Variants in GLI3 observed in about 807,000 individuals in gnomAD.
GLI3 encodes the protein GLI family zinc finger 3, also known as transcription activator GLI3.
In GLI3, 20 loss-of-function variants were observed where a neutral mutation model predicts 100.8. That is an observed-to-expected ratio of 0.20 (90% CI 0.14 to 0.29). The LOEUF is 0.29. GLI3 is among the 10% of genes least tolerant of loss of function. The pLI is 1.00. For synonymous variants in GLI3, 938 were observed against 860.5 expected, an observed-to-expected ratio of 1.09 and a Z score of -1.58; for missense variants, 2,040 against 2,128.5, an observed-to-expected ratio of 0.96 and a Z score of 0.82.
chr7:41,992,724 G>A (rs1349592965), intron 10 of GLI3, among the ~76,000 whole-genome samples: 1 of 152,162 alleles, frequency 6.6e-6, no homozygotes, highest in Non-Finnish European at 1.5e-5. Context: ...GCAGGGGACA[G>A]AGCATGTCAT....
chr7:42,102,628 G>A (rs1296820847), intron 3 of GLI3, among the ~76,000 whole-genome samples: 1 of 152,200 alleles, frequency 6.6e-6, no homozygotes, highest in Admixed American at 6.5e-5. Context: ...GGGCTTCAGT[G>A]CCTCACCAGG....
chr7:42,117,036 A>G (rs2128769269), intron 3 of GLI3, among the ~76,000 whole-genome samples: 1 of 152,364 alleles, frequency 6.6e-6, no homozygotes, highest in Admixed American at 6.5e-5. Flanking sequence ...ATGCTGGTGC[A>G]CACTTTAAAT....
In GLI3 at chr7:42,071,224, C is replaced by T. The variant is rs191234625; in HGVS notation, c.473+5528G>A. Among the ~76,000 whole-genome samples, 322 of 151,292 alleles carry T rather than the reference C, an allele frequency of 2.1e-3. 1 individual carries two copies. The highest frequency in any genetic ancestry group is 0.01 in the Middle Eastern group (3 of 294). On this transcript the variant is annotated intron_variant, in intron 4 of 14. Coordinates refer to ENST00000395925, the MANE Select transcript of GLI3 (RefSeq NM_000168.6). ...GTTTTCTTTTTCTTTTTTGGGGGGGCGGTGGGGAGTGTTTTAGGGTTTGCT... is the reference window on the plus strand; with the variant it reads ...GTTTTCTTTTTCTTTTTTGGGGGGGTGGTGGGGAGTGTTTTAGGGTTTGCT...
chr7:42,158,792 G>A (rs1787064599), intron 2 of GLI3, among the ~76,000 whole-genome samples: 1 of 152,166 alleles, frequency 6.6e-6, no homozygotes, highest in African/African-American at 2.4e-5. Flanking sequence ...ACCGCGCCCA[G>A]CTGAAGACTA....
In GLI3 at chr7:42,125,371, G is replaced by A. The variant is rs577247202; in HGVS notation, c.367+22855C>T. Among the ~76,000 whole-genome samples the A allele has an allele frequency of 3.6e-4, 55 of 152,274 alleles. 1 individual carries two copies. Among genetic ancestry groups the A allele is most frequent in the African/African-American group, 1.0e-3 (42 of 41,558 alleles). ...AGGCTGAACAACAGCAGCAGACCAC[G>A]GAGGAAGGCAGTCATCTGCTCCCCC... is the stretch of plus-strand genomic sequence containing the variant. On this transcript the variant is annotated intron_variant, in intron 3 of 14. Transcript: ENST00000395925.
At chr7:42,060,622 C>T (rs1211491038) in intron 4 of GLI3, among the ~76,000 whole-genome samples, 1 of 152,138 alleles carries the variant, frequency 6.6e-6, no homozygotes, top group Non-Finnish European at 1.5e-5. Flanking sequence ...ATCCTATTTT[C>T]TGTAATTTGA....
intron 10 of GLI3, among the ~76,000 whole-genome samples, chr7:42,020,577 TTGCCTCTTGGTTGTA>T (rs1447774188): frequency 1.1e-4 from 16 of 152,316 alleles, no homozygotes; most frequent in Admixed American, 9.8e-4. Flanking sequence ...GTTTAACACC[TTGCCTCTTGGTTGTA>T]TGTGGCATGA....
rs145026131 is a variant in GLI3 at position 42,053,463 on chromosome 7, C to T, written c.474-4767G>A. Among the ~76,000 whole-genome samples the T allele has an allele frequency of 2.6e-4, 40 of 152,272 alleles. No homozygotes were observed. In the East Asian group the frequency reaches 6.2e-3, roughly 24 times the overall value. Reference sequence around the variant, plus strand: ...GAGGACAGGGGAGGTATGGAGAAGGCGGCCACAAAATTTCCCATAGAAATG... The same window carrying T: ...GAGGACAGGGGAGGTATGGAGAAGGTGGCCACAAAATTTCCCATAGAAATG... On this transcript the variant is annotated intron_variant, in intron 4 of 14. Transcript: ENST00000395925.
chr7:42,253,173 T>C (rs1789051017), intron 1 of GLI3, among the ~76,000 whole-genome samples: 2 of 152,208 alleles, frequency 1.3e-5, no homozygotes, highest in African/African-American at 2.4e-5. Flanking sequence ...TATTCAATTA[T>C]GTGAAGAAAG....
chr7:42,215,191 G>A (rs948494662), intron 2 of GLI3, among the ~76,000 whole-genome samples: 3 of 152,194 alleles, frequency 2.0e-5, no homozygotes, highest in African/African-American at 7.2e-5. Flanking sequence ...TGCTGGAACC[G>A]TTCTGTGTCT....
chr7:42,142,840 G>A (rs1786602798), intron 3 of GLI3, among the ~76,000 whole-genome samples: 1 of 149,862 alleles, frequency 6.7e-6, no homozygotes, highest in African/African-American at 2.5e-5. Context: ...TCGGGAGGCT[G>A]AGGCAGGAGA....
chr7:42,170,730 C>A (rs894912403), intron 2 of GLI3, among the ~76,000 whole-genome samples: 4 of 152,136 alleles, frequency 2.6e-5, no homozygotes, highest in Non-Finnish European at 5.9e-5. Flanking sequence ...AGTACCTGGT[C>A]TTTCTGAAAT....
chr7:41,988,446 A>G (rs59256191), intron 10 of GLI3, among the ~76,000 whole-genome samples: 51,141 of 134,528 alleles, frequency 0.38, 10,375 homozygotes, highest in East Asian at 0.81. Flanking sequence ...CTGGGCAATA[A>G]GAATGAAACT....
upstream of GLI3, among the ~76,000 whole-genome samples, chr7:42,241,668 A>T (rs1226324756): frequency 1.3e-5 from 2 of 152,070 alleles, no homozygotes; most frequent in Non-Finnish European, 2.9e-5. Context: ...GAACATTGGG[A>T]TTATAAATGT....
At chr7:42,139,806 C>A (rs1355204021) in intron 3 of GLI3, among the ~76,000 whole-genome samples, 2 of 152,226 alleles carry the variant, frequency 1.3e-5, no homozygotes, top group African/African-American at 4.8e-5. Context: ...GAGTCGCACG[C>A]TGTCAAATTG....
At chr7:42,019,276 A>T (rs1345044597) in intron 10 of GLI3, among the ~76,000 whole-genome samples, 1 of 152,174 alleles carries the variant, frequency 6.6e-6, no homozygotes, top group Non-Finnish European at 1.5e-5. Context: ...GCCTCTCAAA[A>T]CATAGTTGGT....
chr7:42,139,538 G>T (rs1006745752), intron 3 of GLI3, among the ~76,000 whole-genome samples: 1 of 152,114 alleles, frequency 6.6e-6, no homozygotes, highest in Admixed American at 6.5e-5. Flanking sequence ...AATTAGCGTG[G>T]CATGGTGGCA....
intron 6 of GLI3, among the ~76,000 whole-genome samples, chr7:42,042,307 C>G (rs946129523): frequency 3.3e-5 from 5 of 152,150 alleles, no homozygotes; most frequent in Admixed American, 1.3e-4. Flanking sequence ...AGCCACTGCG[C>G]CCACCTGTGC....
chr7:42,071,009 C>T (rs559767085), intron 4 of GLI3, among the ~76,000 whole-genome samples: 4 of 151,996 alleles, frequency 2.6e-5, no homozygotes, highest in South Asian at 2.1e-4. Context: ...CTTGTTGGCA[C>T]GAGGTGACAC....
Sources: allele counts gnomAD v4.1 joint callset (sites outside exome capture counted in the v4.1 genomes callset), GRCh38; gene constraint gnomAD v4.1.1; transcripts MANE v1.5; gene names NCBI Gene and HGNC (gene_info 2026-07-23, HGNC 2026-07-21).